Variants in VWDE observed in about 807,000 individuals in gnomAD.
The protein encoded by VWDE is von Willebrand factor D and EGF domains.
In VWDE, 207 loss-of-function variants were observed where a neutral mutation model predicts 178.4. That is an observed-to-expected ratio of 1.16 (90% CI 1.04 to 1.30). The LOEUF (loss-of-function observed/expected upper bound fraction) is 1.30, where lower values mean the gene tolerates loss of function less well. Ranked by LOEUF, VWDE falls within the 50% of genes most tolerant of loss-of-function variation. The pLI is 0.00. For synonymous variants in VWDE, 738 were observed against 651.4 expected, an observed-to-expected ratio of 1.13 and a Z score of -2.02; for missense variants, 2,287 against 1,901.3, an observed-to-expected ratio of 1.20 and a Z score of -3.77.
At chr7:12,375,582 A>G (rs1583324904) in intron 7 of VWDE, among the ~76,000 whole-genome samples, 1 of 151,924 alleles carries the variant, frequency 6.6e-6, no homozygotes, top group East Asian at 1.9e-4. Context: ...ATATACTAAC[A>G]TGATTTTTTC....
At position 12,393,676 on chromosome 7, in the gene VWDE, A is replaced by G. The variant is rs1254382248; in HGVS notation, c.161T>C (p.Ile54Thr). The G allele has an allele frequency of 7.7e-6, 12 of 1,551,150 alleles. No individual in the cohort carries two copies. The highest frequency in any genetic ancestry group is 1.0e-5 in the Non-Finnish European group (12 of 1,146,692). Residue 54 changes from isoleucine to threonine, a missense_variant, in exon 2 of 29, where the codon ATA (isoleucine) becomes ACA (threonine). Coordinates refer to ENST00000275358, the MANE Select transcript of VWDE (RefSeq NM_001135924.3). Reference sequence around the variant, plus strand: ...TCCAGGGGAGAGGGAATGGTCACATATTAGGTCTTGAACAGCTGACTGCTG... The same window carrying G: ...TCCAGGGGAGAGGGAATGGTCACATGTTAGGTCTTGAACAGCTGACTGCTG... ...HLQQSAVQDL[I>T]CDHSLSPGWY...
intron 11 of VWDE, 22 bp from the exon 12 acceptor site, chr7:12,370,531 A>G: frequency 6.5e-7 from 1 of 1,531,576 alleles, no homozygotes; most frequent in Non-Finnish European, 8.8e-7. Context: ...AAAACAGGAA[A>G]GAATAGTAAT....
intron 10 of VWDE, among the ~76,000 whole-genome samples, chr7:12,372,104 C>T (rs985213365): frequency 3.3e-5 from 5 of 152,000 alleles, no homozygotes; most frequent in South Asian, 2.1e-4. Context: ...TGACTGCTAA[C>T]GAGGTTAAAG....
At chr7:12,396,334 T>C (rs1002315773) in intron 1 of VWDE, among the ~76,000 whole-genome samples, 1 of 150,942 alleles carries the variant, frequency 6.6e-6, no homozygotes, top group Non-Finnish European at 1.5e-5. Flanking sequence ...AAATAAATCA[T>C]TTTATTTTTA....
intron 10 of VWDE, among the ~76,000 whole-genome samples, chr7:12,371,604 T>C (rs1311030957): frequency 3.9e-5 from 6 of 152,156 alleles, no homozygotes; most frequent in African/African-American, 9.7e-5. Context: ...TTTTTTTCTC[T>C]TTTTACAAAA....
intron 19 of VWDE, among the ~76,000 whole-genome samples, chr7:12,345,528 C>A (rs1260756197): frequency 6.6e-6 from 1 of 152,114 alleles, no homozygotes; most frequent in African/African-American, 2.4e-5. Context: ...TTGATCCAAA[C>A]TTTTCTGGCA....
intron 3 of VWDE, among the ~76,000 whole-genome samples, chr7:12,384,421 G>A (rs1264470589): frequency 6.6e-6 from 1 of 152,042 alleles, no homozygotes. Flanking sequence ...CTATCATAGT[G>A]GATACACGTT....
chr7:12,392,987 T>C (rs1224915504), intron 2 of VWDE, among the ~76,000 whole-genome samples: 2 of 152,130 alleles, frequency 1.3e-5, no homozygotes, highest in Admixed American at 6.6e-5. Flanking sequence ...GATAAGGCCA[T>C]ATGCCTCCAG....
chr7:12,370,256 G>T lies in VWDE; in HGVS notation c.2050C>A (p.His684Asn). The part of the protein sequence containing the change: ...SDTLVREINK[H>N]TSPEEYNLNL... ...AGATTATATTCTTCTGGAGATGTAT[G>T]CTTGTTTATCTCTCTGACAAGAGTG... is the stretch of plus-strand genomic sequence containing the variant. Residue 684 changes from histidine to asparagine, a missense_variant, in exon 12 of 29, where the codon CAT (histidine) becomes AAT (asparagine). Physicochemically the swap from His to Asn is moderately conservative, Grantham distance 68 (BLOSUM62 1). Transcript: ENST00000275358. The T allele has an allele frequency of 6.4e-7, 1 of 1,550,998 alleles. No homozygotes were observed.
chr7:12,381,076 A>G (rs1305587020), intron 4 of VWDE, among the ~76,000 whole-genome samples: 2 of 152,240 alleles, frequency 1.3e-5, no homozygotes, highest in Admixed American at 6.5e-5. Context: ...TTAGTACATT[A>G]TAATTCCTTG....
chr7:12,383,685 A>G, intron 3 of VWDE, 84 bp from the exon 4 acceptor site: 3 of 1,190,518 alleles, frequency 2.5e-6, no homozygotes, highest in Non-Finnish European at 3.6e-6. Flanking sequence ...AATTTATTGA[A>G]GGATGATTTA....
At chr7:12,382,435 T>C (rs571471670) in intron 4 of VWDE, among the ~76,000 whole-genome samples, 1 of 151,720 alleles carries the variant, frequency 6.6e-6, no homozygotes, top group East Asian at 1.9e-4. Context: ...ATAGCTTGTG[T>C]AAAATATACA....
In VWDE at chr7:12,351,661, T is replaced by C. The variant is rs1781952537; in HGVS notation, c.3798A>G (p.Arg1266=). The C allele has an allele frequency of 6.5e-7, 1 of 1,550,162 alleles. No homozygotes were observed. Among genetic ancestry groups the C allele is most frequent in the Non-Finnish European group, 8.7e-7 (1 of 1,146,332 alleles). Residue 1266 remains arginine, a synonymous_variant, in exon 19 of 29, where the codon AGA becomes AGG. Coordinates refer to ENST00000275358, the MANE Select transcript of VWDE (RefSeq NM_001135924.3). Reference sequence around the variant, plus strand: ...CTTCTTTATTTACACTTTTATCAGATCTTGTGAGAACCACAGTTTGTGTAG... The same window carrying C: ...CTTCTTTATTTACACTTTTATCAGACCTTGTGAGAACCACAGTTTGTGTAG... ...QFTTQTVVLT[R]SDKSVNKEED... is the part of the protein sequence containing the mutation.
At chr7:12,349,972 C>G (rs982095179) in intron 19 of VWDE, among the ~76,000 whole-genome samples, 2 of 151,890 alleles carry the variant, frequency 1.3e-5, no homozygotes, top group Non-Finnish European at 2.9e-5. Flanking sequence ...AGAGGAGGCA[C>G]AAACATTGAT....
At chr7:12,351,893 T>A (rs1257858517) in intron 18 of VWDE, among the ~76,000 whole-genome samples, 180 bp from the exon 19 acceptor site, 1 of 152,174 alleles carries the variant, frequency 6.6e-6, no homozygotes, top group Admixed American at 6.5e-5. Flanking sequence ...TGTGTTCCCC[T>A]AAAATTCATA....
rs111508436 is a variant in VWDE, at chr7:12,398,949, CA to C, written c.58+4709del. Among the ~76,000 whole-genome samples the C allele has an allele frequency of 5.3e-5, 8 of 152,236 alleles. 1 individual carries two copies. The highest frequency in any genetic ancestry group is 1.9e-4 in the African/African-American group (8 of 41,550). ...AAAACTACCTATTGGGTACTATACT[CA>C]CTATCTGGGTGACAATATCATCCAT... On this transcript the variant is annotated intron_variant, in intron 1 of 28. Coordinates refer to ENST00000275358, the MANE Select transcript of VWDE (RefSeq NM_001135924.3).
intron 3 of VWDE, among the ~76,000 whole-genome samples, chr7:12,385,579 C>T (rs1784057769): frequency 6.6e-6 from 1 of 152,170 alleles, no homozygotes; most frequent in African/African-American, 2.4e-5. Context: ...TCAGAGACCT[C>T]AGCCTGACAT....
At position 12,389,372 on chromosome 7, in the gene VWDE, G is replaced by C. The variant is rs1423801101; in HGVS notation, c.244-14C>G. ...ACAATGGTTCATCTTTTGCAGGAGAGAAAACAAAAGTTGAAAATTCAGTTT... is the reference window on the plus strand; with the variant it reads ...ACAATGGTTCATCTTTTGCAGGAGACAAAACAAAAGTTGAAAATTCAGTTT... On this transcript the variant is annotated splice_polypyrimidine_tract_variant and intron_variant, in intron 2 of 28. Transcript: ENST00000275358. The C allele has an allele frequency of 1.3e-6, 2 of 1,516,740 alleles. No homozygotes were observed. Among genetic ancestry groups the C allele is most frequent in the South Asian group, 1.2e-5 (1 of 82,650 alleles). The allele number at this position is 1,516,740 out of a possible 1,614,324, so 94.0% of individuals were successfully genotyped here.
chr7:12,378,365 T>C (rs941184522), intron 6 of VWDE, among the ~76,000 whole-genome samples: 6 of 152,236 alleles, frequency 3.9e-5, no homozygotes, highest in African/African-American at 1.4e-4. Flanking sequence ...AATCAAATTA[T>C]TGTTGTCACC....
Sources: gnomAD v4.1 joint callset for allele counts (sites outside exome capture counted in the v4.1 genomes callset) on GRCh38, gnomAD v4.1.1 for gene constraint, MANE v1.5 for transcripts, NCBI Gene and HGNC (gene_info 2026-07-23, HGNC 2026-07-21) for gene names.